OSMR: variants seen among roughly 807,000 people sequenced by gnomAD.
The protein encoded by OSMR is oncostatin M receptor, also known as oncostatin-M-specific receptor subunit beta.
OSMR carries 81 observed loss-of-function variants against 99.9 expected under a neutral mutation model. That is an observed-to-expected ratio of 0.81 (90% confidence interval 0.68 to 0.97). The LOEUF is 0.97. Ranked by LOEUF, OSMR falls within the 50% of genes least tolerant of loss-of-function variation. OSMR has a pLI of 0.00. For missense variants in OSMR, 1,099 were observed against 1,153.4 expected (o/e 0.95, Z 0.68); for synonymous variants, 406 against 410.4 (o/e 0.99, Z 0.13).
chr5:38,878,928 C>T (rs1410087428), intron 3 of OSMR, among the ~76,000 whole-genome samples: 2 of 152,160 alleles, frequency 1.3e-5, no homozygotes, highest in Non-Finnish European at 2.9e-5. Flanking sequence ...ATCATTCAGT[C>T]CAGAGTTTTA....
At chr5:38,923,842 G>T (rs2112662047) in intron 13 of OSMR, among the ~76,000 whole-genome samples, 1 of 152,284 alleles carries the variant, frequency 6.6e-6, no homozygotes, top group South Asian at 2.1e-4. Flanking sequence ...GGAGGTGTGT[G>T]ACCTTGTGTG....
chr5:38,888,198 A>G (rs1743919287), intron 7 of OSMR, among the ~76,000 whole-genome samples: 1 of 152,158 alleles, frequency 6.6e-6, no homozygotes, highest in Admixed American at 6.5e-5. Context: ...TTGACCAGGC[A>G]TGTCATTCAC....
chr5:38,881,878 T>C (rs2112366556), intron 4 of OSMR, 114 bp downstream of exon 4: 3 of 935,722 alleles, frequency 3.2e-6, no homozygotes, highest in East Asian at 4.9e-5. Context: ...ACTGACATTA[T>C]TTTCCTTTGG....
intron 1 of OSMR, chr5:38,942,401 T>C (rs1747667847): frequency 4.0e-6 from 6 of 1,486,640 alleles, no homozygotes; most frequent in Non-Finnish European, 5.6e-6. Flanking sequence ...TGGTGTATCA[T>C]CAATTACTTT....
chr5:38,896,458 G>A (rs1056910972), intron 7 of OSMR, among the ~76,000 whole-genome samples: 2 of 151,726 alleles, frequency 1.3e-5, no homozygotes, highest in African/African-American at 4.8e-5. Flanking sequence ...TTTTGCTGTT[G>A]GCATATAGGA....
At chr5:38,860,874 T>C (rs1352491281) in intron 1 of OSMR, among the ~76,000 whole-genome samples, 1 of 152,164 alleles carries the variant, frequency 6.6e-6, no homozygotes, top group Non-Finnish European at 1.5e-5. Flanking sequence ...GGTTTCACCA[T>C]GTTGGCCAGG....
rs1222924208 is a variant in OSMR, at chr5:38,921,638, G to A, written c.1609G>A (p.Ala537Thr). The A allele has an allele frequency of 1.5e-5, 24 of 1,614,026 alleles. No homozygotes were observed. Among genetic ancestry groups the A allele is most frequent in the Non-Finnish European group, 1.9e-5 (23 of 1,180,028 alleles). Reference protein sequence around the residue: ...ENKEVEEERIAGTEGGFSLSW... With the variant: ...ENKEVEEERITGTEGGFSLSW... Reference sequence around the variant, plus strand: ...AGAAGAGGTTGAGGAAGAAAGAATTGCAGGCACAGAGGGTGGATTCTCTCT... The same window carrying A: ...AGAAGAGGTTGAGGAAGAAAGAATTACAGGCACAGAGGGTGGATTCTCTCT... The change falls in exon 12 of 18, where the codon GCA (alanine) becomes ACA (threonine). Residue 537 changes from alanine (A) to threonine (T), a missense_variant. Coordinates refer to ENST00000274276, the MANE Select transcript of OSMR (RefSeq NM_003999.3).
At chr5:38,886,329 T>C in intron 7 of OSMR, 139 bp downstream of exon 7, 1 of 1,513,148 alleles carries the variant, frequency 6.6e-7, no homozygotes, top group East Asian at 2.4e-5. Flanking sequence ...CTATTGTTCA[T>C]GCCACGTTTC....
chr5:38,882,198 C>T (rs185521573), intron 4 of OSMR, among the ~76,000 whole-genome samples: 1 of 152,322 alleles, frequency 6.6e-6, no homozygotes, highest in East Asian at 1.9e-4. Context: ...GCTGTTGTGA[C>T]TATTCAACTC....
At chr5:38,887,811 C>A (rs138703052) in intron 7 of OSMR, among the ~76,000 whole-genome samples, 1 of 152,028 alleles carries the variant, frequency 6.6e-6, no homozygotes. Flanking sequence ...TCTTCCTGTG[C>A]GTGGACATAG....
rs532499188 is a variant in OSMR, at chr5:38,931,304, C to CGA, written c.2213-576_2213-575dup. Among the ~76,000 whole-genome samples, 155 of 152,214 alleles carry CGA rather than the reference C, an allele frequency of 1.0e-3. 1 individual carries two copies. In the Middle Eastern group the frequency reaches 0.01, roughly 10 times the overall value. On this transcript the variant is annotated intron_variant, in intron 15 of 17. Transcript: ENST00000274276. ...TATGCTCATGGGTTTACAGGTCAGC[C>CGA]GAGACTTGGCTGATCTAGACTGGGG...
At chr5:38,876,919 A>T (rs903180683) in intron 3 of OSMR, among the ~76,000 whole-genome samples, 1 of 152,156 alleles carries the variant, frequency 6.6e-6, no homozygotes, top group Non-Finnish European at 1.5e-5. Context: ...TTTCCACAAC[A>T]AATTAAATTA....
intron 9 of OSMR, among the ~76,000 whole-genome samples, chr5:38,912,238 C>T (rs1372442921): frequency 2.0e-5 from 3 of 152,254 alleles, no homozygotes; most frequent in Admixed American, 6.5e-5. Context: ...TTTCAGGATA[C>T]AAGATCGATG....
intron 9 of OSMR, among the ~76,000 whole-genome samples, chr5:38,914,624 CA>C (rs1226721312): frequency 6.6e-6 from 1 of 151,964 alleles, no homozygotes; most frequent in Non-Finnish European, 1.5e-5. Flanking sequence ...ATGGATTGGA[CA>C]AAGAAAATAT....
At chr5:38,920,286 C>T (rs977708885) in intron 11 of OSMR, among the ~76,000 whole-genome samples, 1 of 152,152 alleles carries the variant, frequency 6.6e-6, no homozygotes, top group Admixed American at 6.5e-5. Context: ...CACTCATGTA[C>T]TATGAGAAAA....
At chr5:38,891,602 C>T (rs2112450890) in intron 7 of OSMR, among the ~76,000 whole-genome samples, 1 of 152,174 alleles carries the variant, frequency 6.6e-6, no homozygotes. Flanking sequence ...TCCACACTTA[C>T]ACCATGGACC....
In OSMR at chr5:38,917,590, C is replaced by T. The variant is rs763119247; in HGVS notation, c.1330C>T (p.Pro444Ser). 1.2e-6 allele frequency: 2 copies of T among 1,613,510 alleles called. No homozygotes were observed. Among genetic ancestry groups the T allele is most frequent in the East Asian group, 4.5e-5 (2 of 44,860 alleles). The change falls in exon 10 of 18, where the codon CCA becomes TCA. Residue 444 changes from proline (P) to serine (S), a missense_variant. Transcript: ENST00000274276. ...PDVWRIVSLE[P>S]GNHTVTLFWK... is the part of the protein sequence containing the mutation. ...TGTCTGGAGAATTGTGAGCTTGGAGCCAGGAAATCATACTGTGACCTTATT... is the reference window on the plus strand; with the variant it reads ...TGTCTGGAGAATTGTGAGCTTGGAGTCAGGAAATCATACTGTGACCTTATT...
chr5:38,904,590 A>G lies in OSMR; in HGVS notation c.1285+87A>G, dbSNP rs1230854116. On this transcript the variant is annotated intron_variant, in intron 9 of 17. Transcript: ENST00000274276. ...TTAAGAGATTTTGGTTGTACCAAAA[A>G]CTAAGAGAAAAATATTTAAACAGAG... 3.3e-6 allele frequency: 5 copies of G among 1,517,668 alleles called. No homozygotes were observed. The African/African-American group carries it at 6.8e-5, about 21-fold the overall frequency. 94.0% of individuals were successfully genotyped at this position (1,517,668 alleles called of 1,614,324 possible). A position where few individuals can be genotyped will look rare whatever the true frequency, so the allele number is the denominator to read the frequency against.
At chr5:38,937,254 T>G (rs1187831613), downstream of OSMR, among the ~76,000 whole-genome samples, 1 of 152,112 alleles carries the variant, frequency 6.6e-6, no homozygotes, top group African/African-American at 2.4e-5. The surrounding 1 kb of genome is among the most constrained non-coding windows in gnomAD (Gnocchi z 4.0). Context: ...AGGATGGTCT[T>G]GATCGCCTGA....
Sources: allele counts gnomAD v4.1 joint callset (sites outside exome capture counted in the v4.1 genomes callset), GRCh38; gene constraint gnomAD v4.1.1; non-coding constraint Gnocchi (gnomAD v3.1); transcripts MANE v1.5; gene names NCBI Gene and HGNC (gene_info 2026-07-23, HGNC 2026-07-21).